The following ANKS1B variants were observed in gnomAD, a reference collection of about 807,000 sequenced individuals.
The protein encoded by ANKS1B is ankyrin repeat and sterile alpha motif domain-containing protein 1B.
In ANKS1B, 36 loss-of-function variants were observed where a neutral mutation model predicts 148.3. That is an observed-to-expected ratio of 0.24 (90% CI 0.19 to 0.32). The LOEUF is 0.32. Among genes scored for constraint, ANKS1B ranks in the 10% least tolerant of loss-of-function variants. ANKS1B has a pLI of 1.00. For missense variants in ANKS1B, 1,157 were observed against 1,542.6 expected (o/e 0.75, Z 4.19); for synonymous variants, 542 against 560.8 (o/e 0.97, Z 0.47).
At chr12:99,893,040 T>C (rs10161504) in intron 1 of ANKS1B, among the ~76,000 whole-genome samples, 34,823 of 152,024 alleles carry the variant, frequency 0.23, 4,100 homozygotes, top group African/African-American at 0.25. Context: ...GCACTAGCTT[T>C]ACAGAGCCCA....
chr12:98,938,044 G>T (rs1597250781), intron 17 of ANKS1B, among the ~76,000 whole-genome samples: 1 of 152,008 alleles, frequency 6.6e-6, no homozygotes, highest in African/African-American at 2.4e-5. Flanking sequence ...TGACATGTGG[G>T]GATTACAATT....
chr12:99,786,454 C>T (rs540111087), intron 4 of ANKS1B, among the ~76,000 whole-genome samples: 10 of 152,106 alleles, frequency 6.6e-5, no homozygotes, highest in African/African-American at 1.9e-4. Flanking sequence ...GGGACCCCTA[C>T]AAAACTCTAA....
chr12:99,903,445 G>A (rs948729096), intron 1 of ANKS1B, among the ~76,000 whole-genome samples: 4 of 152,168 alleles, frequency 2.6e-5, no homozygotes, highest in African/African-American at 7.2e-5. Context: ...CTACTTCTAG[G>A]AGAAATGCCC....
In ANKS1B at chr12:99,791,465, C is replaced by G. The variant is rs7956243; in HGVS notation, c.670-9368G>C. ...TGGCTGCAAAATACATATTCTTCTC[C>G]TCAGCACATGGATCATTCTCAAGGA... On this transcript the variant is annotated intron_variant, in intron 4 of 26. Transcript: ENST00000683438. 8.9e-3 allele frequency among the ~76,000 whole-genome samples: 1,356 copies of G among 152,044 alleles called. 14 individuals are homozygous for G. The highest frequency in any genetic ancestry group is 0.03 in the African/African-American group (1,265 of 41,540).
At chr12:99,816,549 AAAATTT>A (rs1488003399) in intron 2 of ANKS1B, among the ~76,000 whole-genome samples, 2 of 151,716 alleles carry the variant, frequency 1.3e-5, no homozygotes, top group African/African-American at 2.4e-5. Context: ...AATTAAAATT[AAAATTT>A]ATTTTCAAAT....
At chr12:98,924,310 G>A (rs557538467) in intron 17 of ANKS1B, among the ~76,000 whole-genome samples, 1 of 152,278 alleles carries the variant, frequency 6.6e-6, no homozygotes, top group African/African-American at 2.4e-5. Context: ...CTAAAGGAAT[G>A]GCAATGTTTT....
chr12:98,744,453 A>G lies in ANKS1B; in HGVS notation c.*1286T>C, dbSNP rs1265967926. The G allele has an allele frequency of 1.4e-6, 1 of 723,992 alleles. No homozygotes were observed. The highest frequency in any genetic ancestry group is 6.3e-5 in the Admixed American group (1 of 15,928). 44.8% of individuals were successfully genotyped at this position (723,992 alleles called of 1,614,324 possible). A position where few individuals can be genotyped will look rare whatever the true frequency, so the allele number is the denominator to read the frequency against. On this transcript the variant is annotated 3_prime_UTR_variant, in exon 27 of 27. Transcript: ENST00000683438. Reference sequence around the variant, plus strand: ...CAAAATGATTCACAATATGATTGTTAGAACAATATACATTAAAATGTTATT... The same window carrying G: ...CAAAATGATTCACAATATGATTGTTGGAACAATATACATTAAAATGTTATT...
At chr12:99,611,439 T>C (rs930635385) in intron 9 of ANKS1B, among the ~76,000 whole-genome samples, 18 of 152,096 alleles carry the variant, frequency 1.2e-4, no homozygotes, top group Admixed American at 7.9e-4. Flanking sequence ...AAGCACACAA[T>C]AATATACATT....
chr12:99,294,587 A>T (rs543406802), intron 12 of ANKS1B, among the ~76,000 whole-genome samples: 1 of 152,196 alleles, frequency 6.6e-6, no homozygotes, highest in South Asian at 2.1e-4. Flanking sequence ...AAATACAGTT[A>T]TAAACAATAA....
chr12:99,401,287 C>G (rs988024034), intron 11 of ANKS1B, among the ~76,000 whole-genome samples: 2 of 146,022 alleles, frequency 1.4e-5, no homozygotes, highest in East Asian at 3.8e-4. Context: ...ATGTCCTTTC[C>G]ACCACATTCT....
intron 17 of ANKS1B, among the ~76,000 whole-genome samples, chr12:98,961,421 C>CT (rs1251826598): frequency 1.3e-5 from 2 of 152,108 alleles, no homozygotes; most frequent in Non-Finnish European, 1.5e-5. Flanking sequence ...GAAATAATAA[C>CT]TTTCCTGGAC....
chr12:99,104,354 T>C (rs1251727226), intron 15 of ANKS1B, among the ~76,000 whole-genome samples: 1 of 152,182 alleles, frequency 6.6e-6, no homozygotes, highest in Non-Finnish European at 1.5e-5. Flanking sequence ...CATTAAATGG[T>C]AAATAGTAGT....
In ANKS1B at chr12:99,098,619, CTTTTTTTTTTTTTTT is replaced by C. The variant is rs71081896; in HGVS notation, c.2527-13611_2527-13597del. Among the ~76,000 whole-genome samples the C allele has an allele frequency of 6.0e-3, 191 of 32,074 alleles. 1 individual carries two copies. The East Asian group carries it at 0.071, about 12-fold the overall frequency. The allele number at this position is 32,074 out of a possible 152,430, so 21.0% of individuals were successfully genotyped here. ...AATAAAGCATGCCTGCTAGGAACTA[CTTTTTTTTTTTTTTT>C]TTTTTTTTTTTTTTTTTTTTTTTTT... On this transcript the variant is annotated intron_variant, in intron 15 of 26. Transcript: ENST00000683438.
chr12:99,352,375 CAG>C (rs1419925761), intron 12 of ANKS1B, among the ~76,000 whole-genome samples: 1 of 151,844 alleles, frequency 6.6e-6, no homozygotes, highest in African/African-American at 2.4e-5. Flanking sequence ...ATAAGAATGA[CAG>C]AAACATCAAG....
At chr12:98,786,097 A>C (rs767655444) in intron 22 of ANKS1B, among the ~76,000 whole-genome samples, 1 of 152,156 alleles carries the variant, frequency 6.6e-6, no homozygotes, top group Non-Finnish European at 1.5e-5. Flanking sequence ...TAAGGCTCCA[A>C]ATTATTTTAA....
chr12:99,459,440 A>G (rs1174581919), intron 10 of ANKS1B, among the ~76,000 whole-genome samples: 1 of 152,072 alleles, frequency 6.6e-6, no homozygotes. Context: ...AATAAAGGCC[A>G]TCCAAATCAA....
intron 19 of ANKS1B, among the ~76,000 whole-genome samples, chr12:98,827,167 A>C (rs912985853): frequency 5.9e-5 from 9 of 152,154 alleles, no homozygotes; most frequent in African/African-American, 1.7e-4. Context: ...ACTGCAATTA[A>C]CACCACCCAG....
chr12:98,899,661 T>C (rs553988439), intron 17 of ANKS1B, among the ~76,000 whole-genome samples: 1 of 152,292 alleles, frequency 6.6e-6, no homozygotes, highest in South Asian at 2.1e-4. Context: ...CCAGCCAGTC[T>C]CCACAATCAT....
chr12:99,797,135 G>T (rs2066344533), intron 4 of ANKS1B, among the ~76,000 whole-genome samples: 1 of 151,798 alleles, frequency 6.6e-6, no homozygotes, highest in Non-Finnish European at 1.5e-5. Context: ...TCAAACCCAT[G>T]GACTTTTCAA....
Sources: allele counts gnomAD v4.1 joint callset (sites outside exome capture counted in the v4.1 genomes callset), GRCh38; gene constraint gnomAD v4.1.1; transcripts MANE v1.5; gene names NCBI Gene and HGNC (gene_info 2026-07-23, HGNC 2026-07-21).